JAKMIP1: variants seen among roughly 807,000 people sequenced by gnomAD.
JAKMIP1 encodes the protein janus kinase and microtubule-interacting protein 1.
A neutral mutation model predicts 113.0 loss-of-function variants in JAKMIP1; 33 were observed. The observed-to-expected ratio is 0.29, with a 90% CI of 0.22 to 0.39. The LOEUF (loss-of-function observed/expected upper bound fraction) is 0.39. Ranked by LOEUF, JAKMIP1 falls within the 10% of genes least tolerant of loss-of-function variation. The pLI is 1.00. For missense variants in JAKMIP1, 813 were observed against 1,080.5 expected, an observed-to-expected ratio of 0.75 and a Z score of 3.47; for synonymous variants, 480 against 459.9, an observed-to-expected ratio of 1.04 and a Z score of -0.56.
At chr4:6,077,389 G>A (rs1258770295) in intron 8 of JAKMIP1, among the ~76,000 whole-genome samples, 1 of 151,886 alleles carries the variant, frequency 6.6e-6, no homozygotes, top group Non-Finnish European at 1.5e-5. Context: ...GGAGGGGTCT[G>A]CTACGGGTTT....
At chr4:6,126,371 G>A (rs1436935822) in intron 1 of JAKMIP1, among the ~76,000 whole-genome samples, 12 of 117,540 alleles carry the variant, frequency 1.0e-4, no homozygotes, top group African/African-American at 1.8e-4. Context: ...ACACACACAT[G>A]CACAAACACA....
In JAKMIP1 at chr4:6,136,459, G is replaced by T. The variant is rs1444358623; in HGVS notation, c.-147-23462C>A. Reference sequence around the variant, plus strand: ...TGAGGGACCTGCTGGAAGGAACTCGGTATCAGTCCAGAGTGATCTATTTAA... The same window carrying T: ...TGAGGGACCTGCTGGAAGGAACTCGTTATCAGTCCAGAGTGATCTATTTAA... On this transcript the variant is annotated intron_variant, in intron 1 of 20. Coordinates refer to ENST00000409021, the MANE Select transcript of JAKMIP1 (RefSeq NM_001099433.2). This position sits in a 1 kb window ranked among gnomAD's most constrained non-coding sequence, Gnocchi z 5.9. Among the ~76,000 whole-genome samples, 3 of 152,068 alleles carry T rather than the reference G, an allele frequency of 2.0e-5. No individual in the cohort carries two copies. The highest frequency in any genetic ancestry group is 4.4e-5 in the Non-Finnish European group (3 of 68,008).
intron 3 of JAKMIP1, among the ~76,000 whole-genome samples, chr4:6,095,784 C>T (rs944565772): frequency 6.6e-6 from 1 of 151,334 alleles, no homozygotes; most frequent in Non-Finnish European, 1.5e-5. Flanking sequence ...TGCACAGAGG[C>T]GGGGGGCGTC....
chr4:6,046,458 G>A (rs940797820), intron 16 of JAKMIP1, among the ~76,000 whole-genome samples: 6 of 152,182 alleles, frequency 3.9e-5, no homozygotes, highest in Non-Finnish European at 5.9e-5. Flanking sequence ...CCCCATAACC[G>A]TCAGTAGGGG....
chr4:6,099,317 A>G (rs899657428), intron 3 of JAKMIP1, among the ~76,000 whole-genome samples: 1 of 151,976 alleles, frequency 6.6e-6, no homozygotes, highest in Non-Finnish European at 1.5e-5. Context: ...ACCCTCTTTT[A>G]GTGCAAACAG....
Position 6,181,058 on chromosome 4 carries a change from G to A in JAKMIP1, c.-148+19195C>T, listed in dbSNP as rs540345050. ...GTAACCACACCACCAAGAACAAGAA[G>A]GGGTAGTCAGTGACTTCCAAGCAAA... On this transcript the variant is annotated intron_variant, in intron 1 of 20. Coordinates refer to ENST00000409021, the MANE Select transcript of JAKMIP1 (RefSeq NM_001099433.2). The surrounding 1 kb of genome is among the most constrained non-coding windows in gnomAD (Gnocchi z 5.4). 1.3e-5 allele frequency among the ~76,000 whole-genome samples: 2 copies of A among 152,110 alleles called. No individual in the cohort carries two copies. The highest frequency in any genetic ancestry group is 2.9e-5 in the Non-Finnish European group (2 of 68,006).
At chr4:6,118,721 C>A (rs1716215244) in intron 1 of JAKMIP1, among the ~76,000 whole-genome samples, 1 of 152,054 alleles carries the variant, frequency 6.6e-6, no homozygotes, top group Admixed American at 6.5e-5. Context: ...GGACCCTGGA[C>A]TGAGGCCACA....
At position 6,199,840 on chromosome 4, in the gene JAKMIP1, C is replaced by T. The variant is rs1473560121; in HGVS notation, c.-148+413G>A. 6.6e-6 allele frequency among the ~76,000 whole-genome samples: 1 copy of T among 151,598 alleles called. No homozygotes were observed. The highest frequency in any genetic ancestry group is 2.0e-4 in the East Asian group (1 of 5,094). On this transcript the variant is annotated intron_variant, in intron 1 of 20. Coordinates refer to ENST00000409021, the MANE Select transcript of JAKMIP1 (RefSeq NM_001099433.2). This position sits in a 1 kb window ranked among gnomAD's most constrained non-coding sequence, Gnocchi z 5.6. ...ACACGGAGGGGACGGGCCGGCCACACCCCCCGCGCCACTCCGGCAGGCACC... is the reference window on the plus strand; with the variant it reads ...ACACGGAGGGGACGGGCCGGCCACATCCCCCGCGCCACTCCGGCAGGCACC...
chr4:6,081,681 ATTC>A lies in JAKMIP1; in HGVS notation c.1026_1028del (p.Lys342del). On this transcript the variant is annotated inframe_deletion, in exon 6 of 21. Coordinates refer to ENST00000409021, the MANE Select transcript of JAKMIP1 (RefSeq NM_001099433.2). The surrounding 1 kb of genome is among the most constrained non-coding windows in gnomAD (Gnocchi z 4.6). ...TCTGGATACTCTGCAACAGATCCTC[ATTC>A]TTCTTGTTCATCCGCTTGTTCTTCT... 1 of 1,614,144 alleles carries A rather than the reference ATTC, an allele frequency of 6.2e-7. No individual in the cohort carries two copies. Among genetic ancestry groups the A allele is most frequent in the Non-Finnish European group, 8.5e-7 (1 of 1,180,022 alleles).
chr4:6,132,512 C>T lies in JAKMIP1; in HGVS notation c.-147-19515G>A, dbSNP rs536383547. Among the ~76,000 whole-genome samples, 5 of 152,006 alleles carry T rather than the reference C, an allele frequency of 3.3e-5. No homozygotes were observed. The South Asian group carries it at 1.0e-3, about 32-fold the overall frequency. ...CAAAAATTAGCCAGGAGTGGTGGTG[C>T]ACACCGGTAGTCGCAGCTACTTGGG... On this transcript the variant is annotated intron_variant, in intron 1 of 20. Coordinates refer to ENST00000409021, the MANE Select transcript of JAKMIP1 (RefSeq NM_001099433.2).
rs528085624 is a variant in JAKMIP1, at chr4:6,098,972, C to T, written c.624+6501G>A. On this transcript the variant is annotated intron_variant, in intron 3 of 20. Transcript: ENST00000409021. ...CTTCTTTGGTTTGGTTCTGACACCA[C>T]GGCTGGGAAATTCATTCATTTTCTT... Among the ~76,000 whole-genome samples the T allele has an allele frequency of 1.1e-4, 17 of 152,300 alleles. No homozygotes were observed. The South Asian group carries it at 2.1e-3, about 19-fold the overall frequency.
rs972607706 is a variant in JAKMIP1, at chr4:6,167,071, G to A, written c.-148+33182C>T. Among the ~76,000 whole-genome samples the A allele has an allele frequency of 1.3e-5, 2 of 152,080 alleles. No homozygotes were observed. The highest frequency in any genetic ancestry group is 4.8e-5 in the African/African-American group (2 of 41,406). On this transcript the variant is annotated intron_variant, in intron 1 of 20. Transcript: ENST00000409021. The surrounding 1 kb of genome is among the most constrained non-coding windows in gnomAD (Gnocchi z 5.3). ...ACATCAAGTACTTGGAACAGTGCCT[G>A]GTGCGTAGGGGGTACTCAGGGTGGG...
chr4:6,077,721 C>T (rs182842427), intron 8 of JAKMIP1, among the ~76,000 whole-genome samples: 6 of 152,040 alleles, frequency 3.9e-5, no homozygotes, highest in Admixed American at 6.5e-5. Context: ...TGGGCTCAAG[C>T]GATCCACCCA....
rs1711975120 is a variant in JAKMIP1 at position 6,097,314 on chromosome 4, TG to T, written c.624+8158del. On this transcript the variant is annotated intron_variant, in intron 3 of 20. Transcript: ENST00000409021. This position sits in a 1 kb window ranked among gnomAD's most constrained non-coding sequence, Gnocchi z 4.3. ...GCCCCGTTCTGACTCTGAATTTATA[TG>T]CTACCAATAAGTAATCACTTCTTAC... Among the ~76,000 whole-genome samples the T allele has an allele frequency of 1.3e-5, 2 of 152,348 alleles. No homozygotes were observed. The highest frequency in any genetic ancestry group is 4.1e-4 in the South Asian group (2 of 4,830).
rs1270400425 is a variant in JAKMIP1 at position 6,131,381 on chromosome 4, A to C, written c.-147-18384T>G. Among the ~76,000 whole-genome samples, 16 of 151,270 alleles carry C rather than the reference A, an allele frequency of 1.1e-4. 1 individual carries two copies. The highest frequency in any genetic ancestry group is 7.9e-4 in the Admixed American group (12 of 15,178). ...GGATAACTGCCAAAAAAAAAAAAAA[A>C]CAAAACCCTACACTTAGCATATCAT... is the stretch of plus-strand genomic sequence containing the variant. On this transcript the variant is annotated intron_variant, in intron 1 of 20. Coordinates refer to ENST00000409021, the MANE Select transcript of JAKMIP1 (RefSeq NM_001099433.2).
Position 6,065,996 on chromosome 4 carries a change from GT to G in JAKMIP1, c.1303-989del, listed in dbSNP as rs529570482. On this transcript the variant is annotated intron_variant, in intron 8 of 20. Transcript: ENST00000409021. The surrounding 1 kb of genome is among the most constrained non-coding windows in gnomAD (Gnocchi z 5.1). The stretch of plus-strand genomic sequence containing the variant: ...TATTTTAGGAACATAGCTTTTTTGG[GT>G]TTTTTTTTCCCAAACAGCCCCCGAC... Among the ~76,000 whole-genome samples the G allele has an allele frequency of 1.3e-5, 2 of 151,214 alleles. No individual in the cohort carries two copies. Among genetic ancestry groups the G allele is most frequent in the African/African-American group, 4.9e-5 (2 of 41,188 alleles).
chr4:6,145,444 C>G (rs1011924230), intron 1 of JAKMIP1, among the ~76,000 whole-genome samples: 7 of 152,120 alleles, frequency 4.6e-5, no homozygotes, highest in African/African-American at 1.4e-4. Flanking sequence ...ACAGCCTTCA[C>G]AGTCCCAGTG....
In JAKMIP1 at chr4:6,097,350, C is replaced by T. The variant is rs1242782852; in HGVS notation, c.624+8123G>A. On this transcript the variant is annotated intron_variant, in intron 3 of 20. Transcript: ENST00000409021. This position sits in a 1 kb window ranked among gnomAD's most constrained non-coding sequence, Gnocchi z 4.3. ...AGTAATCACTTCTTACACTTATTCA[C>T]ACATACCACTGATACAGTGGAGAAG... Among the ~76,000 whole-genome samples, 1 of 152,208 alleles carries T rather than the reference C, an allele frequency of 6.6e-6. No individual in the cohort carries two copies. Among genetic ancestry groups the T allele is most frequent in the Non-Finnish European group, 1.5e-5 (1 of 68,048 alleles).
intron 1 of JAKMIP1, among the ~76,000 whole-genome samples, chr4:6,182,901 G>A (rs1299363748): frequency 1.3e-5 from 2 of 152,282 alleles, no homozygotes; most frequent in East Asian, 3.9e-4. Flanking sequence ...ATATGACCTG[G>A]AGATGCCTAG....
Sources: allele counts gnomAD v4.1 joint callset (sites outside exome capture counted in the v4.1 genomes callset), GRCh38; gene constraint gnomAD v4.1.1; non-coding constraint Gnocchi (gnomAD v3.1); transcripts MANE v1.5; gene names NCBI Gene and HGNC (gene_info 2026-07-23, HGNC 2026-07-21).